Variants in ADK observed in about 807,000 individuals in gnomAD.
The protein encoded by ADK is N6,N6-dimethyladenosine kinase.
In ADK, 24 loss-of-function variants were observed where a neutral mutation model predicts 44.7. The ratio of observed to expected loss-of-function variants is 0.54; its 90% CI spans 0.39 to 0.76. The LOEUF (loss-of-function observed/expected upper bound fraction) is 0.76. Among genes scored for constraint, ADK ranks in the 30% least tolerant of loss-of-function variants. The probability of loss-of-function intolerance (pLI) is 0.00; values close to 1 mark genes in which losing one functional copy is unlikely to be tolerated. For synonymous variants in ADK, 128 were observed against 142.6 expected, an observed-to-expected ratio of 0.90 and a Z score of 0.73; for missense variants, 321 against 425.1, an observed-to-expected ratio of 0.76 and a Z score of 2.15.
chr10:74,223,177 T>A (rs1335096338), intron 2 of ADK, among the ~76,000 whole-genome samples: 2 of 152,156 alleles, frequency 1.3e-5, no homozygotes, highest in Non-Finnish European at 2.9e-5. Flanking sequence ...TTCTTGCTGA[T>A]AGTGACTCTA....
At chr10:74,175,282 C>A (rs1842290327) in intron 1 of ADK, among the ~76,000 whole-genome samples, 1 of 151,564 alleles carries the variant, frequency 6.6e-6, no homozygotes, top group South Asian at 2.1e-4. Flanking sequence ...TACTCGGGAG[C>A]CTGAGGCACA....
intron 9 of ADK, among the ~76,000 whole-genome samples, chr10:74,649,856 A>G (rs1314025709): frequency 6.6e-6 from 1 of 152,214 alleles, no homozygotes; most frequent in Non-Finnish European, 1.5e-5. Flanking sequence ...CTCAAAAAAT[A>G]TGAATACTTG....
chr10:74,443,579 G>A (rs577177803), intron 6 of ADK, among the ~76,000 whole-genome samples: 165 of 152,244 alleles, frequency 1.1e-3, no homozygotes, highest in Non-Finnish European at 2.0e-3. Flanking sequence ...ATAGATACAG[G>A]ATTTCTTTGG....
Position 74,668,738 on chromosome 10 carries a change from G to GA in ADK, c.878-1438dup, listed in dbSNP as rs550311789. Among the ~76,000 whole-genome samples, 543 of 151,892 alleles carry GA rather than the reference G, an allele frequency of 3.6e-3. 1 individual carries two copies. Among genetic ancestry groups the GA allele is most frequent in the African/African-American group, 0.011 (436 of 41,438 alleles). ...CAATAGAATGAGACTCCGTCTCAAA[G>GA]AAAAAAAGTTTAAGCCAGATGCAGT... On this transcript the variant is annotated intron_variant, in intron 9 of 10. Coordinates refer to ENST00000539909, the MANE Select transcript of ADK (RefSeq NM_006721.4).
At chr10:74,416,032 A>G (rs993839543) in intron 6 of ADK, among the ~76,000 whole-genome samples, 2 of 71,982 alleles carry the variant, frequency 2.8e-5, no homozygotes, top group South Asian at 3.5e-4. Context: ...ACATACATAT[A>G]TACACACACA....
At chr10:74,600,227 A>T in intron 8 of ADK, 152 bp from the exon 9 acceptor site, 3 of 561,414 alleles carry the variant, frequency 5.3e-6, no homozygotes, top group Non-Finnish European at 9.7e-6. Context: ...TATTCTATTT[A>T]CTTTTGTATA....
At chr10:74,189,328 TACCATATATCTGTA>T (rs1842882220) in intron 1 of ADK, among the ~76,000 whole-genome samples, 2 of 152,212 alleles carry the variant, frequency 1.3e-5, no homozygotes, top group East Asian at 1.9e-4. Flanking sequence ...TACATATCTG[TACCATATATCTGTA>T]AATGATAAGT....
chr10:74,706,120 G>A (rs781157208), intron 10 of ADK, among the ~76,000 whole-genome samples: 5 of 152,030 alleles, frequency 3.3e-5, no homozygotes, highest in Non-Finnish European at 7.4e-5. Context: ...GATTACTTGA[G>A]CCCAAGAGTT....
intron 3 of ADK, among the ~76,000 whole-genome samples, chr10:74,291,562 T>G (rs928156947): frequency 2.0e-5 from 3 of 152,248 alleles, no homozygotes; most frequent in Admixed American, 1.3e-4. Flanking sequence ...TGAAATTATT[T>G]TATATGCAGG....
intron 6 of ADK, among the ~76,000 whole-genome samples, chr10:74,469,845 G>C (rs1437653603): frequency 6.6e-6 from 1 of 152,036 alleles, no homozygotes; most frequent in Non-Finnish European, 1.5e-5. Context: ...CCGTGAATTT[G>C]ACTATTTTAG....
intron 6 of ADK, among the ~76,000 whole-genome samples, chr10:74,478,813 C>G (rs1047252499): frequency 1.3e-5 from 2 of 152,102 alleles, no homozygotes; most frequent in Non-Finnish European, 2.9e-5. Flanking sequence ...TGATTCTGCC[C>G]CATTCTCCAT....
At chr10:74,245,447 G>T (rs757098819) in intron 3 of ADK, among the ~76,000 whole-genome samples, 2 of 151,998 alleles carry the variant, frequency 1.3e-5, no homozygotes, top group Non-Finnish European at 2.9e-5. Context: ...AGTTCTTCAT[G>T]CTTTCTCTCA....
chr10:74,163,510 A>C, intron 1 of ADK, among the ~76,000 whole-genome samples: 1 of 152,240 alleles, frequency 6.6e-6, no homozygotes, highest in East Asian at 1.9e-4. Context: ...AATACTGTTC[A>C]GAATTTCATA....
At chr10:74,461,166 G>A (rs903077952) in intron 6 of ADK, among the ~76,000 whole-genome samples, 1 of 151,676 alleles carries the variant, frequency 6.6e-6, no homozygotes, top group African/African-American at 2.4e-5. Context: ...TTTAAACAAT[G>A]CCATTTAAGT....
rs944337690 is a variant in ADK at position 74,395,848 on chromosome 10, G to A, written c.446+1535G>A. On this transcript the variant is annotated intron_variant, in intron 5 of 10. Transcript: ENST00000539909. ...AGCCTGGCCAACATGGTGAAACTCC[G>A]TCTCTACTAAAAATGTAAAAATTAG... Among the ~76,000 whole-genome samples, 8 of 151,486 alleles carry A rather than the reference G, an allele frequency of 5.3e-5. No individual in the cohort carries two copies. In the South Asian group the frequency reaches 1.7e-3, roughly 32 times the overall value.
At chr10:74,608,950 T>C (rs961646079) in intron 9 of ADK, among the ~76,000 whole-genome samples, 2 of 152,178 alleles carry the variant, frequency 1.3e-5, no homozygotes, top group Admixed American at 6.6e-5. Context: ...AGAGGCGGTC[T>C]GGCTACAGTG....
intron 6 of ADK, among the ~76,000 whole-genome samples, chr10:74,419,703 A>G (rs1195595461): frequency 6.6e-6 from 1 of 152,142 alleles, no homozygotes; most frequent in Non-Finnish European, 1.5e-5. Context: ...GACCACCCCA[A>G]TTGGTACATT....
At chr10:74,200,086 GC>G (rs1329032012) in intron 1 of ADK, among the ~76,000 whole-genome samples, 1 of 150,824 alleles carries the variant, frequency 6.6e-6, no homozygotes, top group East Asian at 1.9e-4. Context: ...TTTCACAGGG[GC>G]TAACCTAATT....
At chr10:74,195,175 C>T (rs1023263545) in intron 1 of ADK, among the ~76,000 whole-genome samples, 17 of 151,780 alleles carry the variant, frequency 1.1e-4, no homozygotes, top group African/African-American at 3.9e-4. Context: ...AAAAAGTAAT[C>T]CCAGTACGGG....
Sources: gnomAD v4.1 joint callset for allele counts (sites outside exome capture counted in the v4.1 genomes callset) on GRCh38, gnomAD v4.1.1 for gene constraint, MANE v1.5 for transcripts, NCBI Gene and HGNC (gene_info 2026-07-23, HGNC 2026-07-21) for gene names.